YPEL2: variants seen among roughly 807,000 people sequenced by gnomAD.
The protein encoded by YPEL2 is yippee like 2, also known as protein yippee-like 2.
A neutral mutation model predicts 19.1 loss-of-function variants in YPEL2; 2 were observed. That is an observed-to-expected ratio of 0.10 (90% confidence interval 0.04 to 0.33). The LOEUF is 0.33. Among genes scored for constraint, YPEL2 ranks in the 10% least tolerant of loss-of-function variants. The pLI is 1.00. For missense variants in YPEL2, 66 were observed against 140.7 expected, an observed-to-expected ratio of 0.47 and a Z score of 2.68; for synonymous variants, 52 against 50.0, an observed-to-expected ratio of 1.04 and a Z score of -0.17.
chr17:59,373,526 T>G (rs1211999404), intron 2 of YPEL2, among the ~76,000 whole-genome samples: 1 of 152,232 alleles, frequency 6.6e-6, no homozygotes, highest in Non-Finnish European at 1.5e-5. Context: ...TTAATGTATT[T>G]TAGTCCCGTT....
chr17:59,385,920 A>G (rs1179796197), intron 2 of YPEL2, among the ~76,000 whole-genome samples: 2 of 152,242 alleles, frequency 1.3e-5, no homozygotes, highest in Admixed American at 1.3e-4. Flanking sequence ...TGTGTTTGGC[A>G]TTCAGAGAGA....
In YPEL2 at chr17:59,398,748, C is replaced by A. The variant is rs976249446; in HGVS notation, c.*1558C>A. On this transcript the variant is annotated 3_prime_UTR_variant, in exon 5 of 5. Transcript: ENST00000312655. ...CGTGTGCGTGTTAGGTAATTCTCAG[C>A]ATCTCCTCCAAGTAGGCCGACCTTC... is the stretch of plus-strand genomic sequence containing the variant. The A allele has an allele frequency of 1.3e-5, 2 of 152,192 alleles. No homozygotes were observed. The highest frequency in any genetic ancestry group is 4.8e-5 in the African/African-American group (2 of 41,434). 9.4% of individuals were successfully genotyped at this position (152,192 alleles called of 1,614,324 possible). A position where few individuals can be genotyped will look rare whatever the true frequency, so the allele number is the denominator to read the frequency against.
intron 1 of YPEL2, among the ~76,000 whole-genome samples, chr17:59,348,580 A>C (rs1402206743): frequency 1.3e-5 from 2 of 152,198 alleles, no homozygotes; most frequent in East Asian, 3.8e-4. Context: ...TTTAATCATA[A>C]TATCTCACAT....
At chr17:59,391,856 T>C (rs2048009033) in intron 4 of YPEL2, among the ~76,000 whole-genome samples, 1 of 151,760 alleles carries the variant, frequency 6.6e-6, no homozygotes, top group Non-Finnish European at 1.5e-5. Context: ...GCCGAGATCA[T>C]GCCATTGCAC....
intron 2 of YPEL2, among the ~76,000 whole-genome samples, chr17:59,371,723 A>T (rs543744963): frequency 6.6e-6 from 1 of 152,362 alleles, no homozygotes; most frequent in East Asian, 1.9e-4. Context: ...GCCACAGCAC[A>T]GACTGGGGCC....
In YPEL2 at chr17:59,353,455, T is replaced by G. The variant is rs776757930; in HGVS notation, c.46T>G (p.Ser16Ala). ...GAAGACTTTCCAGGCATATCTGCCC[T>G]CCTGCCACCGGACCTACAGCTGCAT... is the stretch of plus-strand genomic sequence containing the variant. ...RSKTFQAYLP[S>A]CHRTYSCIHC... The change falls in exon 2 of 5, where the codon TCC (serine) becomes GCC (alanine). Residue 16 changes from serine (S) to alanine (A), a missense_variant. Coordinates refer to ENST00000312655, the MANE Select transcript of YPEL2 (RefSeq NM_001005404.4). The surrounding 1 kb of genome is among the most constrained non-coding windows in gnomAD (Gnocchi z 4.8). The G allele has an allele frequency of 1.9e-6, 3 of 1,612,098 alleles. No individual in the cohort carries two copies. The highest frequency in any genetic ancestry group is 2.5e-6 in the Non-Finnish European group (3 of 1,178,858).
At chr17:59,333,209 T>C (rs1451863277) in intron 1 of YPEL2, among the ~76,000 whole-genome samples, 1 of 152,234 alleles carries the variant, frequency 6.6e-6, no homozygotes, top group Non-Finnish European at 1.5e-5. Context: ...CTGCAAGTTC[T>C]TTTCCCCAGA....
chr17:59,396,728 T>C (rs2048041194), intron 4 of YPEL2, among the ~76,000 whole-genome samples: 1 of 152,158 alleles, frequency 6.6e-6, no homozygotes, highest in Non-Finnish European at 1.5e-5. Flanking sequence ...GCTTCTCTGC[T>C]ACAAAAGGCA....
chr17:59,331,801 C>A lies in YPEL2; in HGVS notation c.-219C>A, dbSNP rs2047670719. 1 of 151,856 alleles carries A rather than the reference C, an allele frequency of 6.6e-6. No homozygotes were observed. Among genetic ancestry groups the A allele is most frequent in the African/African-American group, 2.4e-5 (1 of 41,408 alleles). 9.4% of individuals were successfully genotyped at this position (151,856 alleles called of 1,614,324 possible). ...CCAGCGGAGCCAAGCCCCACGCTGG[C>A]CGGACAGGGCCGCCTGTCGCCGGGT... On this transcript the variant is annotated 5_prime_UTR_variant, in exon 1 of 5. Coordinates refer to ENST00000312655, the MANE Select transcript of YPEL2 (RefSeq NM_001005404.4).
chr17:59,344,438 A>T (rs2047746214), intron 1 of YPEL2, among the ~76,000 whole-genome samples: 1 of 152,198 alleles, frequency 6.6e-6, no homozygotes, highest in Non-Finnish European at 1.5e-5. Flanking sequence ...AGGCAACTGA[A>T]GGCAGCACCA....
At chr17:59,394,378 C>T (rs147154641) in intron 4 of YPEL2, among the ~76,000 whole-genome samples, 76,027 of 143,112 alleles carry the variant, frequency 0.53, 20,082 homozygotes, top group East Asian at 0.66. Context: ...CCAGACGGGG[C>T]GGCGGGGCAG....
At chr17:59,357,976 T>C (rs1447727865) in intron 2 of YPEL2, among the ~76,000 whole-genome samples, 1 of 152,150 alleles carries the variant, frequency 6.6e-6, no homozygotes, top group Non-Finnish European at 1.5e-5. Flanking sequence ...TCCAAAACTA[T>C]TTACGCTATT....
At chr17:59,388,185 C>T in intron 2 of YPEL2, 142 bp from the exon 3 acceptor site, 2 of 795,400 alleles carry the variant, frequency 2.5e-6, no homozygotes, top group South Asian at 1.5e-5. Flanking sequence ...ACACCATCTG[C>T]CAGCGGGACC....
intron 1 of YPEL2, among the ~76,000 whole-genome samples, chr17:59,352,310 A>AAG: frequency 1.3e-5 from 2 of 152,104 alleles, no homozygotes; most frequent in South Asian, 4.2e-4. Context: ...GGAGTCTTAG[A>AAG]CCTCGTGGCC....
chr17:59,351,121 T>C (rs2047785461), intron 1 of YPEL2, among the ~76,000 whole-genome samples: 1 of 152,178 alleles, frequency 6.6e-6, no homozygotes, highest in South Asian at 2.1e-4. Context: ...ACACCTGTAA[T>C]GCCAGCACTT....
rs370578823 is a variant in YPEL2, at chr17:59,387,643, G to A, written c.118-684G>A. Among the ~76,000 whole-genome samples, 19 of 152,174 alleles carry A rather than the reference G, an allele frequency of 1.2e-4. No homozygotes were observed. The East Asian group carries it at 2.7e-3, about 22-fold the overall frequency. ...GCTCCTGTTTCTCCTGTTCCCTGCC[G>A]CCCTCCAGCCAAAAGAAAGAAACTA... On this transcript the variant is annotated intron_variant, in intron 2 of 4. Coordinates refer to ENST00000312655, the MANE Select transcript of YPEL2 (RefSeq NM_001005404.4).
At position 59,353,710 on chromosome 17, in the gene YPEL2, T is replaced by C; in HGVS notation, c.117+184T>C. On this transcript the variant is annotated intron_variant, in intron 2 of 4. Transcript: ENST00000312655. The surrounding 1 kb of genome is among the most constrained non-coding windows in gnomAD (Gnocchi z 4.8). The stretch of plus-strand genomic sequence containing the variant: ...GAGTTGGAGGGACAGAGTAGTCATT[T>C]AATTTGTTATTTTGGAAATGAGGTG... 1 of 622,798 alleles carries C rather than the reference T, an allele frequency of 1.6e-6. No individual in the cohort carries two copies. The allele number at this position is 622,798 out of a possible 1,614,324, so 38.6% of individuals were successfully genotyped here.
At chr17:59,334,236 C>G (rs1489317031) in intron 1 of YPEL2, among the ~76,000 whole-genome samples, 1 of 152,050 alleles carries the variant, frequency 6.6e-6, no homozygotes, top group Non-Finnish European at 1.5e-5. Context: ...TCTTCATTGT[C>G]GTAATGATTT....
At chr17:59,338,187 G>A (rs1268285350) in intron 1 of YPEL2, among the ~76,000 whole-genome samples, 2 of 152,160 alleles carry the variant, frequency 1.3e-5, no homozygotes, top group African/African-American at 2.4e-5. Context: ...CTGGCTCCAT[G>A]TGAGCTTACC....
Sources: gnomAD v4.1 joint callset for allele counts (sites outside exome capture counted in the v4.1 genomes callset) on GRCh38, gnomAD v4.1.1 for gene constraint, Gnocchi (gnomAD v3.1) non-coding constraint, MANE v1.5 for transcripts, NCBI Gene and HGNC (gene_info 2026-07-23, HGNC 2026-07-21) for gene names.